USF1: variants seen among roughly 807,000 people sequenced by gnomAD.
The protein encoded by USF1 is upstream stimulatory factor 1.
Under a neutral mutation model 46.3 loss-of-function variants are expected in USF1, and 22 were observed. That is an observed-to-expected ratio of 0.47 (90% CI 0.34 to 0.68). USF1 has a LOEUF of 0.68. Among genes scored for constraint, USF1 ranks in the 30% least tolerant of loss-of-function variants. The pLI is 0.01. For missense variants in USF1, 287 were observed against 399.3 expected (o/e 0.72, Z 2.40); for synonymous variants, 150 against 147.0 (o/e 1.02, Z -0.15).
chr1:161,042,942 G>A, intron 2 of USF1, 60 bp from the exon 3 acceptor site: 1 of 1,609,468 alleles, frequency 6.2e-7, no homozygotes, highest in East Asian at 2.2e-5. Flanking sequence ...GAAGCTCACT[G>A]GCCCAGTAAC....
In USF1 at chr1:161,043,293, C is replaced by T. The variant is rs776445110; in HGVS notation, c.-18G>A. 1.2e-6 allele frequency: 2 copies of T among 1,614,110 alleles called. No individual in the cohort carries two copies. The highest frequency in any genetic ancestry group is 1.7e-6 in the Non-Finnish European group (2 of 1,180,036). On this transcript the variant is annotated 5_prime_UTR_variant, in exon 2 of 11. The change creates a new upstream start codon in the 5' untranslated region. Transcript: ENST00000368021. ...CCCTTCATCTCTCTGTGAGGGGGCACATCCGAGGAACTGGTCCTTTTTTGG... is the reference window on the plus strand; with the variant it reads ...CCCTTCATCTCTCTGTGAGGGGGCATATCCGAGGAACTGGTCCTTTTTTGG...
intron 1 of USF1, among the ~76,000 whole-genome samples, chr1:161,043,843 C>T (rs903522418): frequency 6.8e-6 from 1 of 148,146 alleles, no homozygotes; most frequent in South Asian, 2.1e-4. Flanking sequence ...CGGCTGGTCT[C>T]GAACTCCTGA....
intron 1 of USF1, among the ~76,000 whole-genome samples, chr1:161,045,603 C>T (rs1378907162): frequency 6.6e-6 from 1 of 152,182 alleles, no homozygotes; most frequent in African/African-American, 2.4e-5. Flanking sequence ...CTAGGGAGCT[C>T]AAGCGCCCGG....
intron 7 of USF1, 36 bp downstream of exon 7, chr1:161,041,288 A>G: frequency 1.6e-6 from 2 of 1,256,116 alleles, no homozygotes; most frequent in South Asian, 2.7e-5. Context: ...AAAAAAAACC[A>G]CTTACGGAAT....
chr1:161,042,813 G>GT lies in USF1; in HGVS notation c.58+19dup. ...AGGCCATGATGGGTTCTTAGTCTTG[G>GT]TTCTGTTTCTAGCACTCACCTTCCT... is the stretch of plus-strand genomic sequence containing the variant. On this transcript the variant is annotated intron_variant, in intron 3 of 10. Transcript: ENST00000368021. 1 of 1,614,182 alleles carries GT rather than the reference G, an allele frequency of 6.2e-7. No homozygotes were observed.
In USF1 at chr1:161,039,535, A is replaced by G. The variant is rs1326085138; in HGVS notation, c.*385T>C. 3 of 195,606 alleles carry G rather than the reference A, an allele frequency of 1.5e-5. No individual in the cohort carries two copies. The highest frequency in any genetic ancestry group is 3.2e-5 in the Non-Finnish European group (3 of 94,992). 12.1% of individuals were successfully genotyped at this position (195,606 alleles called of 1,614,324 possible). ...TCAGCTCCAGGGAAAGGAAGAACCA[A>G]TGGAAGTGCCAGAGTCCTGGGGCAA... On this transcript the variant is annotated 3_prime_UTR_variant, in exon 11 of 11. Transcript: ENST00000368021.
In USF1 at chr1:161,040,184, TG is replaced by T; in HGVS notation, c.843+17del. 6.2e-7 allele frequency: 1 copy of T among 1,613,710 alleles called. No individual in the cohort carries two copies. The highest frequency in any genetic ancestry group is 8.5e-7 in the Non-Finnish European group (1 of 1,179,848). ...CTAGCAGAACTGAGAAGGGCTGCACTGGGGGTAGGAGTCTGACCTGTTGTCG... is the reference window on the plus strand; with the variant it reads ...CTAGCAGAACTGAGAAGGGCTGCACTGGGGTAGGAGTCTGACCTGTTGTCG... On this transcript the variant is annotated intron_variant, in intron 10 of 10. Transcript: ENST00000368021. This position sits in a 1 kb window ranked among gnomAD's most constrained non-coding sequence, Gnocchi z 4.0.
At chr1:161,043,913 C>G (rs1013315850) in intron 1 of USF1, among the ~76,000 whole-genome samples, 1 of 147,356 alleles carries the variant, frequency 6.8e-6, no homozygotes, top group African/African-American at 2.5e-5. Context: ...GTGTGAGCCA[C>G]TGCACCTGGC....
chr1:161,042,308 A>C, intron 4 of USF1, 91 bp from the exon 5 acceptor site: 2 of 1,333,604 alleles, frequency 1.5e-6, no homozygotes, highest in Non-Finnish European at 2.1e-6. Flanking sequence ...CTTCCCTTGG[A>C]TAGGGCCCCA....
At chr1:161,041,907 C>A in intron 5 of USF1, 61 bp from the exon 6 acceptor site, 1 of 1,521,138 alleles carries the variant, frequency 6.6e-7, no homozygotes, top group Non-Finnish European at 9.0e-7. Flanking sequence ...CCCACTACAC[C>A]ACTCTGCAGC....
In USF1 at chr1:161,041,319, C is replaced by T; in HGVS notation, c.560+5G>A. ...GGAATCTGAGAAGAAACAAGGGTCA[C>T]TCACGGGGAATAAGGGTGAGTCCTA... On this transcript the variant is annotated splice_donor_5th_base_variant and intron_variant, in intron 7 of 10. Coordinates refer to ENST00000368021, the MANE Select transcript of USF1 (RefSeq NM_007122.5). 6.4e-7 allele frequency: 1 copy of T among 1,557,514 alleles called. No homozygotes were observed. The highest frequency in any genetic ancestry group is 8.8e-7 in the Non-Finnish European group (1 of 1,134,012).
Position 161,042,668 on chromosome 1 carries a change from C to A in USF1, c.61G>T (p.Ala21Ser). ...GTTGGGTCTTCCCCAGTAGCCACTG[C>A]ACCTGAATTAAAAGAACAAAGGAAA... The part of the protein sequence containing the change: ...EEGTVQIQEG[A>S]VATGEDPTSV... The change falls in exon 4 of 11, where the codon GCA (alanine) becomes TCA (serine). Residue 21 changes from alanine (A) to serine (S), a missense_variant and splice_region_variant. Ala to Ser is a moderately conservative substitution (Grantham distance 99, BLOSUM62 1). Coordinates refer to ENST00000368021, the MANE Select transcript of USF1 (RefSeq NM_007122.5). 1 of 1,614,210 alleles carries A rather than the reference C, an allele frequency of 6.2e-7. No individual in the cohort carries two copies.
chr1:161,042,631 A>G lies in USF1; in HGVS notation c.98T>C (p.Ile33Thr). The G allele has an allele frequency of 4.3e-6, 7 of 1,614,244 alleles. No individual in the cohort carries two copies. The highest frequency in any genetic ancestry group is 5.9e-6 in the Non-Finnish European group (7 of 1,180,052). ...ATGEDPTSVA[I>T]ASIQSAATFP... ...GGTGGCAGCTGACTGGATGCTGGCA[A>G]TAGCCACACTGGTTGGGTCTTCCCC... The change falls in exon 4 of 11, where the codon ATT becomes ACT. Residue 33 changes from isoleucine to threonine, a missense_variant. By Grantham distance (89) the Ile-to-Thr change is moderately conservative (BLOSUM62 -1). Coordinates refer to ENST00000368021, the MANE Select transcript of USF1 (RefSeq NM_007122.5).
Position 161,045,478 on chromosome 1 carries a change from A to G in USF1, c.-86+380T>C, listed in dbSNP as rs17181981. ...CTCACCAACCAGAAGGCGCTTACGGAGCTGAGCGCCCGCCAGGCGCGAGCC... is the reference window on the plus strand; with the variant it reads ...CTCACCAACCAGAAGGCGCTTACGGGGCTGAGCGCCCGCCAGGCGCGAGCC... On this transcript the variant is annotated intron_variant, in intron 1 of 10. Coordinates refer to ENST00000368021, the MANE Select transcript of USF1 (RefSeq NM_007122.5). 6.4e-3 allele frequency among the ~76,000 whole-genome samples: 979 copies of G among 152,298 alleles called. 9 individuals are homozygous for G. The highest frequency in any genetic ancestry group is 0.011 in the Admixed American group (166 of 15,298).
intron 6 of USF1, 82 bp downstream of exon 6, chr1:161,041,567 CAT>C (rs1284665616): frequency 6.5e-7 from 1 of 1,527,998 alleles, no homozygotes; most frequent in Non-Finnish European, 8.9e-7. Context: ...CACTAAGAGT[CAT>C]GAGTGAAGGC....
intron 2 of USF1, 141 bp from the exon 3 acceptor site, chr1:161,043,023 GT>G: frequency 7.8e-7 from 1 of 1,285,652 alleles, no homozygotes; most frequent in Non-Finnish European, 1.1e-6. Context: ...AGTGTTTACT[GT>G]TTACTATGTA....
rs1650451605 is a variant in USF1 at position 161,039,917 on chromosome 1, T to C, written c.*3A>G. 3 of 1,614,108 alleles carry C rather than the reference T, an allele frequency of 1.9e-6. No homozygotes were observed. Among genetic ancestry groups the C allele is most frequent in the Non-Finnish European group, 2.5e-6 (3 of 1,180,008 alleles). On this transcript the variant is annotated 3_prime_UTR_variant, in exon 11 of 11. Transcript: ENST00000368021. Reference sequence around the variant, plus strand: ...TGGGCCCAAAGCCCCTGAATCCCCATAGTTAGTTGCTGTCATTCTTGATGA... The same window carrying C: ...TGGGCCCAAAGCCCCTGAATCCCCACAGTTAGTTGCTGTCATTCTTGATGA...
chr1:161,042,531 C>T, intron 4 of USF1, 24 bp downstream of exon 4: 2 of 1,612,452 alleles, frequency 1.2e-6, no homozygotes, highest in East Asian at 2.2e-5. Context: ...ATAACACCTG[C>T]AGCCACCTGG....
At chr1:161,045,333 C>A (rs1168642757) in intron 1 of USF1, among the ~76,000 whole-genome samples, 2 of 152,166 alleles carry the variant, frequency 1.3e-5, no homozygotes, top group African/African-American at 2.4e-5. Flanking sequence ...TGTGCACGCT[C>A]AGGCCAGAAG....
Sources: allele counts gnomAD v4.1 joint callset (sites outside exome capture counted in the v4.1 genomes callset), GRCh38; gene constraint gnomAD v4.1.1; non-coding constraint Gnocchi (gnomAD v3.1); transcripts MANE v1.5; gene names NCBI Gene and HGNC (gene_info 2026-07-23, HGNC 2026-07-21).